Variants in PEX14 observed in about 807,000 individuals in gnomAD.
PEX14 encodes the protein peroxisomal membrane protein PEX14.
In PEX14, 15 loss-of-function variants were observed where a neutral mutation model predicts 49.5. The ratio of observed to expected loss-of-function variants is 0.30; its 90% CI spans 0.20 to 0.47. The LOEUF is 0.47. Among genes scored for constraint, PEX14 ranks in the 20% least tolerant of loss-of-function variants. PEX14 has a pLI of 1.00. For synonymous variants in PEX14, 210 were observed against 212.7 expected (o/e 0.99, Z 0.11); for missense variants, 398 against 494.8 (o/e 0.80, Z 1.86).
chr1:10,483,071 A>C (rs1423098020), intron 1 of PEX14, among the ~76,000 whole-genome samples: 1 of 152,164 alleles, frequency 6.6e-6, no homozygotes, highest in African/African-American at 2.4e-5. Context: ...ATGAAGTTTG[A>C]TTGTTTGGTT....
rs1267259132 is a variant in PEX14 at position 10,597,102 on chromosome 1, T to C, written c.170-2136T>C. On this transcript the variant is annotated intron_variant, in intron 3 of 8. Coordinates refer to ENST00000356607, the MANE Select transcript of PEX14 (RefSeq NM_004565.3). The surrounding 1 kb of genome is among the most constrained non-coding windows in gnomAD (Gnocchi z 5.7). ...AGCACAGTCTGTAACTTACTGTATA[T>C]TTCCCCAGTGTTAAACATTATTGTA... Among the ~76,000 whole-genome samples the C allele has an allele frequency of 6.6e-6, 1 of 152,270 alleles. No homozygotes were observed. Among genetic ancestry groups the C allele is most frequent in the East Asian group, 1.9e-4 (1 of 5,208 alleles).
intron 4 of PEX14, among the ~76,000 whole-genome samples, chr1:10,615,957 A>G (rs539402833): frequency 5.4e-4 from 82 of 152,308 alleles, no homozygotes; most frequent in African/African-American, 1.8e-3. Flanking sequence ...AGTAAACTGT[A>G]TGCGTGCTAC....
chr1:10,595,375 T>C (rs72857075), intron 3 of PEX14, among the ~76,000 whole-genome samples: 165 of 152,266 alleles, frequency 1.1e-3, no homozygotes, highest in African/African-American at 3.8e-3. Flanking sequence ...AGCTAGTGGG[T>C]GGAGAGAGTA....
intron 3 of PEX14, among the ~76,000 whole-genome samples, chr1:10,586,120 C>G (rs1302904309): frequency 6.6e-6 from 1 of 152,210 alleles, no homozygotes; most frequent in African/African-American, 2.4e-5. Context: ...TTTGGTAGTA[C>G]AAACAGACAA....
At chr1:10,541,116 C>T (rs1466426813) in intron 3 of PEX14, among the ~76,000 whole-genome samples, 2 of 152,138 alleles carry the variant, frequency 1.3e-5, no homozygotes, top group East Asian at 1.9e-4. Flanking sequence ...CCAAATAGGC[C>T]GATCTGGGTT....
At chr1:10,585,766 C>T (rs1640465487) in intron 3 of PEX14, among the ~76,000 whole-genome samples, 1 of 152,170 alleles carries the variant, frequency 6.6e-6, no homozygotes, top group Non-Finnish European at 1.5e-5. Flanking sequence ...TGCAGTGGTG[C>T]ATGCCTGTAA....
Position 10,529,784 on chromosome 1 carries a change from T to G in PEX14, c.85-6429T>G, listed in dbSNP as rs57269205. ...TATCATGTCAACTCCTGTGCACTTC[T>G]ACCAGCGGAATTTTATTTCTTTAAT... is the stretch of plus-strand genomic sequence containing the variant. On this transcript the variant is annotated intron_variant, in intron 2 of 8. Transcript: ENST00000356607. The surrounding 1 kb of genome is among the most constrained non-coding windows in gnomAD (Gnocchi z 4.2). Among the ~76,000 whole-genome samples, 1 of 152,256 alleles carries G rather than the reference T, an allele frequency of 6.6e-6. No individual in the cohort carries two copies. Among genetic ancestry groups the G allele is most frequent in the African/African-American group, 2.4e-5 (1 of 41,462 alleles).
chr1:10,588,206 C>T (rs1012016645), intron 3 of PEX14, among the ~76,000 whole-genome samples: 15 of 150,230 alleles, frequency 1.0e-4, no homozygotes, highest in African/African-American at 2.0e-4. Context: ...GGTGACAGAG[C>T]GAGACTCCGT....
intron 4 of PEX14, among the ~76,000 whole-genome samples, chr1:10,617,690 C>G (rs560365723): frequency 6.6e-6 from 1 of 152,268 alleles, no homozygotes; most frequent in African/African-American, 2.4e-5. Flanking sequence ...CCTGCTGACC[C>G]CAGCCCCTCT....
At chr1:10,616,529 A>C (rs1177692197) in intron 4 of PEX14, among the ~76,000 whole-genome samples, 1 of 152,026 alleles carries the variant, frequency 6.6e-6, no homozygotes, top group East Asian at 1.9e-4. Context: ...CGCCTTCCGG[A>C]TAGCTCTCCA....
At chr1:10,499,355 TCTTC>T (rs1331745432) in intron 2 of PEX14, among the ~76,000 whole-genome samples, 1 of 152,264 alleles carries the variant, frequency 6.6e-6, no homozygotes, top group East Asian at 1.9e-4. Context: ...GGCCATCGTC[TCTTC>T]CTTTAACTTT....
intron 3 of PEX14, among the ~76,000 whole-genome samples, chr1:10,569,001 A>G (rs1639895655): frequency 6.6e-6 from 1 of 152,104 alleles, no homozygotes; most frequent in Non-Finnish European, 1.5e-5. Context: ...TGGCCTCCCA[A>G]AGTGCTGGGA....
intron 2 of PEX14, among the ~76,000 whole-genome samples, chr1:10,515,432 A>C (rs1056657931): frequency 6.6e-6 from 1 of 152,164 alleles, no homozygotes; most frequent in Non-Finnish European, 1.5e-5. Context: ...GTTCTGAGGT[A>C]AGGGATTGGT....
Position 10,497,066 on chromosome 1 carries a change from AC to A in PEX14, c.84+1748del, listed in dbSNP as rs528320214. ...TAATTAGGGCCCTATTAAAAGGTAGACCCTTTCTCCTTCCCCCACTTTTTTG... is the reference window on the plus strand; with the variant it reads ...TAATTAGGGCCCTATTAAAAGGTAGACCTTTCTCCTTCCCCCACTTTTTTG... On this transcript the variant is annotated intron_variant, in intron 2 of 8. Transcript: ENST00000356607. Among the ~76,000 whole-genome samples the A allele has an allele frequency of 3.5e-3, 531 of 151,992 alleles. 4 individuals carry two copies. The highest frequency in any genetic ancestry group is 9.8e-3 in the South Asian group (47 of 4,810).
At position 10,514,154 on chromosome 1, in the gene PEX14, C is replaced by CTGTG. The variant is rs1557820855; in HGVS notation, c.84+18834_84+18835insGTGT. 5.6e-5 allele frequency among the ~76,000 whole-genome samples: 5 copies of CTGTG among 89,548 alleles called. No homozygotes were observed. The highest frequency in any genetic ancestry group is 3.8e-4 in the South Asian group (1 of 2,654). The allele number at this position is 89,548 out of a possible 152,430, so 58.7% of individuals were successfully genotyped here. A position where few individuals can be genotyped will look rare whatever the true frequency, so the allele number is the denominator to read the frequency against. The stretch of plus-strand genomic sequence containing the variant: ...AAAAAATGTATAAAATAATCTATGC[C>CTGTG]TCTGTGTGTGTGTGTGTGTGTGTGT... On this transcript the variant is annotated intron_variant, in intron 2 of 8. Transcript: ENST00000356607. The surrounding 1 kb of genome is among the most constrained non-coding windows in gnomAD (Gnocchi z 4.4).
At chr1:10,551,080 T>G (rs1458141572) in intron 3 of PEX14, among the ~76,000 whole-genome samples, 1 of 152,140 alleles carries the variant, frequency 6.6e-6, no homozygotes, top group African/African-American at 2.4e-5. Context: ...AAAGGGTACA[T>G]AGGGTGACCT....
At chr1:10,496,420 C>T (rs1402711558) in intron 2 of PEX14, among the ~76,000 whole-genome samples, 36 of 152,172 alleles carry the variant, frequency 2.4e-4, no homozygotes, top group Non-Finnish European at 2.9e-5. Flanking sequence ...CAGGAGGCCC[C>T]ACCTTGCTAG....
intron 4 of PEX14, among the ~76,000 whole-genome samples, chr1:10,610,481 C>T (rs1399014836): frequency 1.4e-4 from 21 of 149,390 alleles, no homozygotes; most frequent in Non-Finnish European, 3.0e-4. Flanking sequence ...CTTTCTTTTT[C>T]GTTTTTCTTT....
At chr1:10,600,129 T>G (rs1640940646) in intron 4 of PEX14, among the ~76,000 whole-genome samples, 1 of 152,236 alleles carries the variant, frequency 6.6e-6, no homozygotes, top group Non-Finnish European at 1.5e-5. Flanking sequence ...TTAATGAAAC[T>G]CAGCATTGGG....
Sources: gnomAD v4.1 joint callset for allele counts (sites outside exome capture counted in the v4.1 genomes callset) on GRCh38, gnomAD v4.1.1 for gene constraint, Gnocchi (gnomAD v3.1) non-coding constraint, MANE v1.5 for transcripts, NCBI Gene and HGNC (gene_info 2026-07-23, HGNC 2026-07-21) for gene names.